The following PSD4 variants were observed in gnomAD, a reference collection of about 807,000 sequenced individuals.
PSD4 encodes PH and SEC7 domain-containing protein 4.
A neutral mutation model predicts 112.5 loss-of-function variants in PSD4; 59 were observed. That is an observed-to-expected ratio of 0.52 (90% confidence interval 0.43 to 0.65). The LOEUF (loss-of-function observed/expected upper bound fraction) is 0.65. Ranked by LOEUF, PSD4 falls within the 30% of genes least tolerant of loss-of-function variation. PSD4 has a pLI of 0.00. For synonymous variants in PSD4, 533 were observed against 540.0 expected (o/e 0.99, Z 0.18); for missense variants, 1,267 against 1,352.6 (o/e 0.94, Z 0.99).
At chr2:113,201,109 C>T (rs772804275) in intron 16 of PSD4, 49 bp from the exon 17 acceptor site, 1 of 1,558,046 alleles carries the variant, frequency 6.4e-7, no homozygotes, top group Non-Finnish European at 8.7e-7. Flanking sequence ...AGCCTCCTCC[C>T]AACCTGGAGC....
At chr2:113,195,627 C>T in intron 10 of PSD4, 100 bp from the exon 11 acceptor site, 2 of 1,275,828 alleles carry the variant, frequency 1.6e-6, no homozygotes, top group African/African-American at 1.5e-5. Context: ...GTGGAGGAGG[C>T]AGGCTGTACA....
intron 10 of PSD4, among the ~76,000 whole-genome samples, chr2:113,194,446 CACA>C (rs1688541212): frequency 6.6e-6 from 1 of 152,236 alleles, no homozygotes; most frequent in Non-Finnish European, 1.5e-5. Context: ...CGGTGCTTGG[CACA>C]TAGCATGTGT....
chr2:113,205,620 ACT>A lies in PSD4; in HGVS notation c.*4208_*4209del, dbSNP rs1478068431. ...ACTCCAGCCTGGGTAACAGAGCGAG[ACT>A]CTGTCGAAAAAGAAAAAAAAGATGA... is the stretch of plus-strand genomic sequence containing the variant. On this transcript the variant is annotated 3_prime_UTR_variant, in exon 17 of 17. Coordinates refer to ENST00000245796, the MANE Select transcript of PSD4 (RefSeq NM_012455.3). 36 of 152,222 alleles carry A rather than the reference ACT, an allele frequency of 2.4e-4. No individual in the cohort carries two copies. The highest frequency in any genetic ancestry group is 8.2e-4 in the African/African-American group (34 of 41,526). 9.4% of individuals were successfully genotyped at this position (152,222 alleles called of 1,614,324 possible).
rs1052264609 is a variant in PSD4 at position 113,208,974 on chromosome 2, C to T, written c.*7559C>T. The stretch of plus-strand genomic sequence containing the variant: ...CTGAGGGTGACCACCTTGGATCTTC[C>T]TGCAGGACACAGCCCAGAGAAACTG... On this transcript the variant is annotated 3_prime_UTR_variant, in exon 17 of 17. Transcript: ENST00000245796. 1 of 152,226 alleles carries T rather than the reference C, an allele frequency of 6.6e-6. No homozygotes were observed. Among genetic ancestry groups the T allele is most frequent in the African/African-American group, 2.4e-5 (1 of 41,444 alleles). 9.4% of individuals were successfully genotyped at this position (152,226 alleles called of 1,614,324 possible).
chr2:113,196,074 T>C, intron 11 of PSD4, 73 bp from the exon 12 acceptor site: 1 of 1,533,752 alleles, frequency 6.5e-7, no homozygotes, highest in Non-Finnish European at 8.9e-7. Context: ...TTGCTAAGGC[T>C]CTGGGAGGCA....
chr2:113,180,907 G>A (rs189480312), intron 1 of PSD4, among the ~76,000 whole-genome samples: 3 of 152,062 alleles, frequency 2.0e-5, no homozygotes, highest in Non-Finnish European at 4.4e-5. Context: ...TGAAGAAAAT[G>A]AGGCAAAGGG....
chr2:113,195,909 T>C, intron 11 of PSD4, 139 bp downstream of exon 11: 1 of 1,284,862 alleles, frequency 7.8e-7, no homozygotes, highest in East Asian at 2.4e-5. Flanking sequence ...GAGGCAGGGC[T>C]CTGGGGAGAG....
At position 113,185,788 on chromosome 2, in the gene PSD4, A is replaced by C. The variant is rs45573435; in HGVS notation, c.1250-89A>C. On this transcript the variant is annotated intron_variant, in intron 4 of 16. Transcript: ENST00000245796. ...GCATGCTGCCAGGCTCCAGGGGAGG[A>C]GCCCCAGGGAGGGAGCCTCTGGAGG... 214 of 1,552,046 alleles carry C rather than the reference A, an allele frequency of 1.4e-4. 2 individuals are homozygous for C. The African/African-American group carries it at 2.7e-3, about 19-fold the overall frequency.
At position 113,188,602 on chromosome 2, in the gene PSD4, A is replaced by T. The variant is rs1688363675; in HGVS notation, c.1628+2347A>T. Among the ~76,000 whole-genome samples the T allele has an allele frequency of 4.0e-5, 6 of 150,486 alleles. No homozygotes were observed. In the South Asian group the frequency reaches 1.3e-3, roughly 32 times the overall value. ...TATTTTATTTATTTATTTTTTTGAG[A>T]TGGAGTCTCACTCTGTGGCCCAGGC... is the stretch of plus-strand genomic sequence containing the variant. On this transcript the variant is annotated intron_variant, in intron 5 of 16. Coordinates refer to ENST00000245796, the MANE Select transcript of PSD4 (RefSeq NM_012455.3).
chr2:113,207,454 C>CTTTTTTTTTTTTTTT lies in PSD4; in HGVS notation c.*6045_*6059dup, dbSNP rs397985506. ...TAACTCTCCTCTCCTCTCTCCTCTT[C>CTTTTTTTTTTTTTTT]TTTTTTTTTTTTTTTTTTTTGAGAT... On this transcript the variant is annotated 3_prime_UTR_variant, in exon 17 of 17. Coordinates refer to ENST00000245796, the MANE Select transcript of PSD4 (RefSeq NM_012455.3). 1 of 95,514 alleles carries CTTTTTTTTTTTTTTT rather than the reference C, an allele frequency of 1.0e-5. No homozygotes were observed. The highest frequency in any genetic ancestry group is 1.9e-5 in the Non-Finnish European group (1 of 51,674). 5.9% of individuals were successfully genotyped at this position (95,514 alleles called of 1,614,324 possible). A position where few individuals can be genotyped will look rare whatever the true frequency, so the allele number is the denominator to read the frequency against.
At position 113,185,940 on chromosome 2, in the gene PSD4, G is replaced by A. The variant is rs750073527; in HGVS notation, c.1313G>A (p.Arg438Lys). 1.2e-6 allele frequency: 2 copies of A among 1,613,972 alleles called. No individual in the cohort carries two copies. The highest frequency in any genetic ancestry group is 1.7e-6 in the Non-Finnish European group (2 of 1,179,874). The stretch of plus-strand genomic sequence containing the variant: ...TGCACCTTGGCCCCCTGCCCCTGGA[G>A]GAGCCCAGCTTCTTCTCCAGAGCCT... ...LPCTLAPCPW[R>K]SPASSPEPSS... Residue 438 changes from arginine (R) to lysine (K), a missense_variant, in exon 5 of 17, where the codon AGG becomes AAG. By Grantham distance (26) the Arg-to-Lys change is conservative. Transcript: ENST00000245796.
intron 11 of PSD4, 81 bp from the exon 12 acceptor site, chr2:113,196,066 G>A (rs2104506951): frequency 6.6e-7 from 1 of 1,512,274 alleles, no homozygotes; most frequent in African/African-American, 1.4e-5. Context: ...AAGAGAGGTT[G>A]CTAAGGCTCT....
intron 11 of PSD4, 64 bp from the exon 12 acceptor site, chr2:113,196,083 C>A (rs561239781): frequency 6.5e-7 from 1 of 1,549,318 alleles, no homozygotes; most frequent in Non-Finnish European, 8.8e-7. Flanking sequence ...CTCTGGGAGG[C>A]AATGGATACC....
rs1217406901 is a variant in PSD4, at chr2:113,192,992, C to T, written c.1839-56C>T. On this transcript the variant is annotated intron_variant, in intron 6 of 16. Transcript: ENST00000245796. ...GCAGGCCCTGGGGGCCCCAGTGCAT[C>T]TGCAGCCCCAGCCCAGGCCCCTGGT... is the stretch of plus-strand genomic sequence containing the variant. 3.2e-6 allele frequency: 5 copies of T among 1,555,840 alleles called. No homozygotes were observed. In the African/African-American group the frequency reaches 6.8e-5, roughly 21 times the overall value.
In PSD4 at chr2:113,206,604, T is replaced by C. The variant is rs1458767940; in HGVS notation, c.*5189T>C. On this transcript the variant is annotated 3_prime_UTR_variant, in exon 17 of 17. Coordinates refer to ENST00000245796, the MANE Select transcript of PSD4 (RefSeq NM_012455.3). ...CTCTTATGTTCTGTTTGCTTCTCTA[T>C]AAAATGGGGATAATAACACTACTTA... The C allele has an allele frequency of 6.6e-6, 1 of 152,242 alleles. No homozygotes were observed. Among genetic ancestry groups the C allele is most frequent in the Admixed American group, 6.5e-5 (1 of 15,290 alleles). The allele number at this position is 152,242 out of a possible 1,614,324, so 9.4% of individuals were successfully genotyped here.
chr2:113,195,205 C>T (rs1266287545), intron 10 of PSD4, among the ~76,000 whole-genome samples: 6 of 150,548 alleles, frequency 4.0e-5, no homozygotes, highest in African/African-American at 1.2e-4. Context: ...CCTGCACTGT[C>T]GCGGGAGTGC....
chr2:113,183,317 G>A lies in PSD4; in HGVS notation c.861G>A (p.Leu287=). The A allele has an allele frequency of 1.9e-6, 3 of 1,608,508 alleles. No homozygotes were observed. Among genetic ancestry groups the A allele is most frequent in the Non-Finnish European group, 2.5e-6 (3 of 1,176,798 alleles). The change falls in exon 2 of 17, where the codon CTG becomes CTA. Residue 287 remains leucine (L), a synonymous_variant. Coordinates refer to ENST00000245796, the MANE Select transcript of PSD4 (RefSeq NM_012455.3). ...CTGGACCTGAGAGCCCAGCGACTCT[G>A]GAGCCTCCCCTCCCAGAAGACACAG... ...VRTGPESPAT[L]EPPLPEDTVL...
intron 7 of PSD4, 38 bp downstream of exon 7, chr2:113,193,166 G>A: frequency 6.2e-7 from 1 of 1,607,780 alleles, no homozygotes; most frequent in Non-Finnish European, 8.5e-7. Context: ...GGCTGTGGAG[G>A]ATGGCATGGG....
chr2:113,179,828 G>T (rs1380054111), intron 1 of PSD4, among the ~76,000 whole-genome samples: 1 of 152,192 alleles, frequency 6.6e-6, no homozygotes, highest in Non-Finnish European at 1.5e-5. Flanking sequence ...TGGGGAGGCT[G>T]CCTTAACTAA....
Sources: gnomAD v4.1 joint callset for allele counts (sites outside exome capture counted in the v4.1 genomes callset) on GRCh38, gnomAD v4.1.1 for gene constraint, MANE v1.5 for transcripts, NCBI Gene and HGNC (gene_info 2026-07-23, HGNC 2026-07-21) for gene names.